The following SHANK2 variants were observed in gnomAD, a reference collection of about 807,000 sequenced individuals.
SHANK2 encodes SH3 and multiple ankyrin repeat domains protein 2.
A neutral mutation model predicts 133.7 loss-of-function variants in SHANK2; 43 were observed. That is an observed-to-expected ratio of 0.32 (90% CI 0.25 to 0.41). SHANK2 has a LOEUF of 0.41. SHANK2 is among the 10% of genes least tolerant of loss of function. SHANK2 has a pLI of 1.00. For missense variants in SHANK2, 1,994 were observed against 2,235.8 expected (o/e 0.89, Z 2.18); for synonymous variants, 1,017 against 952.8 (o/e 1.07, Z -1.24).
intron 2 of SHANK2, among the ~76,000 whole-genome samples, chr11:71,201,535 C>T (rs1460373924): frequency 1.3e-5 from 2 of 152,270 alleles, no homozygotes; most frequent in East Asian, 1.9e-4. Context: ...GTCACCTGCA[C>T]AGCAGGGGCT....
At chr11:71,167,547 C>A in intron 2 of SHANK2, among the ~76,000 whole-genome samples, 1 of 129,594 alleles carries the variant, frequency 7.7e-6, no homozygotes. Flanking sequence ...GGGGGCTGAC[C>A]CCCCCACCTC....
intron 10 of SHANK2, among the ~76,000 whole-genome samples, chr11:70,935,858 C>T (rs1392721461): frequency 6.6e-6 from 1 of 152,182 alleles, no homozygotes; most frequent in Non-Finnish European, 1.5e-5. Flanking sequence ...GTGAGCGGGC[C>T]TCTTACACCG....
intron 2 of SHANK2, among the ~76,000 whole-genome samples, chr11:71,204,657 G>A (rs1954092240): frequency 6.6e-6 from 1 of 152,172 alleles, no homozygotes; most frequent in Middle Eastern, 3.2e-3. Context: ...TCCCCTCGAG[G>A]TTTCAGCTGG....
chr11:71,075,923 C>T (rs1951212437), intron 8 of SHANK2, among the ~76,000 whole-genome samples: 1 of 152,176 alleles, frequency 6.6e-6, no homozygotes, highest in Non-Finnish European at 1.5e-5. Flanking sequence ...GTCAAACAGA[C>T]CCAGTCCTGA....
chr11:70,686,718 G>A (rs1308525317), intron 15 of SHANK2, among the ~76,000 whole-genome samples: 12 of 152,180 alleles, frequency 7.9e-5, no homozygotes, highest in Non-Finnish European at 2.9e-5. Context: ...AGGGAGGTCT[G>A]ATTGCTTCTC....
chr11:71,153,295 G>A (rs1457011404), intron 2 of SHANK2, among the ~76,000 whole-genome samples: 1 of 137,386 alleles, frequency 7.3e-6, no homozygotes, highest in Non-Finnish European at 1.6e-5. Context: ...GGGCGGGTCG[G>A]GGGCGGGGGA....
At chr11:71,152,791 C>T (rs1229739955) in intron 2 of SHANK2, among the ~76,000 whole-genome samples, 1 of 152,178 alleles carries the variant, frequency 6.6e-6, no homozygotes, top group Non-Finnish European at 1.5e-5. Flanking sequence ...GGCCAGAGAT[C>T]TGACTGGGAG....
intron 6 of SHANK2, among the ~76,000 whole-genome samples, chr11:71,101,682 ACCGTCAGTCACTG>A (rs1555096654): frequency 6.6e-6 from 1 of 152,206 alleles, no homozygotes; most frequent in African/African-American, 2.4e-5. Flanking sequence ...CGGAGCATGA[ACCGTCAGTCACTG>A]CACACATCAA....
chr11:70,650,455 G>C (rs1240730409), intron 17 of SHANK2, among the ~76,000 whole-genome samples: 1 of 152,180 alleles, frequency 6.6e-6, no homozygotes, highest in Admixed American at 6.5e-5. Flanking sequence ...ACCCTGCAGA[G>C]AGCCAGTGCC....
rs192633097 is a variant in SHANK2 at position 70,491,293 on chromosome 11, C to G, written c.2440-906G>C. On this transcript the variant is annotated intron_variant, in intron 22 of 25. Transcript: ENST00000601538. ...TTTGTCTCACTCTATGGCCCTGAGG[C>G]TGAGGAGCAAAGTGGGACCCTTTGG... 6.6e-5 allele frequency among the ~76,000 whole-genome samples: 10 copies of G among 152,312 alleles called. No homozygotes were observed. The East Asian group carries it at 1.9e-3, about 29-fold the overall frequency.
intron 15 of SHANK2, among the ~76,000 whole-genome samples, chr11:70,662,385 C>T (rs1270304780): frequency 1.3e-5 from 2 of 152,184 alleles, no homozygotes; most frequent in Non-Finnish European, 2.9e-5. Context: ...GGCGTCATCC[C>T]GCGCGAGCAT....
intron 10 of SHANK2, among the ~76,000 whole-genome samples, chr11:70,902,488 T>TGGGGGCTGCCTCTCA (rs1950037371): frequency 6.6e-6 from 1 of 152,226 alleles, no homozygotes; most frequent in African/African-American, 2.4e-5. Context: ...GCTGTGCCCT[T>TGGGGGCTGCCTCTCA]GGGGGCTGCC....
rs570428272 is a variant in SHANK2 at position 70,487,308 on chromosome 11, G to A, written c.2985C>T (p.Ile995=). 61 of 1,614,176 alleles carry A rather than the reference G, an allele frequency of 3.8e-5. 2 individuals carry two copies. In the South Asian group the frequency reaches 5.8e-4, roughly 15 times the overall value. Residue 995 remains isoleucine, a synonymous_variant, in exon 25 of 26, where the codon ATC becomes ATT. Coordinates refer to ENST00000601538, the MANE Select transcript of SHANK2 (RefSeq NM_012309.5). The surrounding 1 kb of genome is among the most constrained non-coding windows in gnomAD (Gnocchi z 5.8). ...PENPYSEVGK[I]ASKAVYVPAK... ...CGGGGACGTAGACGGCTTTGCTGGC[G>A]ATCTTCCCCACCTCTGAGTATGGGT... is the stretch of plus-strand genomic sequence containing the variant.
At chr11:71,066,100 GT>G (rs1951055635) in intron 9 of SHANK2, among the ~76,000 whole-genome samples, 5 of 67,160 alleles carry the variant, frequency 7.4e-5, no homozygotes, top group Non-Finnish European at 1.4e-4. Flanking sequence ...TGGGGGGGGT[GT>G]GTGCAGAACT....
chr11:71,251,628 A>G (rs1415760638), intron 1 of SHANK2, among the ~76,000 whole-genome samples: 1 of 151,272 alleles, frequency 6.6e-6, no homozygotes, highest in Non-Finnish European at 1.5e-5. Context: ...CGCCGGTGCC[A>G]GCTTCCTGCA....
Position 70,829,135 on chromosome 11 carries a change from C to T in SHANK2, c.1175-8453G>A, listed in dbSNP as rs148286061. Among the ~76,000 whole-genome samples the T allele has an allele frequency of 2.7e-3, 411 of 152,334 alleles. 1 individual carries two copies. Among genetic ancestry groups the T allele is most frequent in the African/African-American group, 9.7e-3 (403 of 41,582 alleles). ...TCCCTGGGACCATGTGACAATCCTG[C>T]ATCTGTTCTGACTGGTGGACCAGGC... On this transcript the variant is annotated intron_variant, in intron 11 of 25. Coordinates refer to ENST00000601538, the MANE Select transcript of SHANK2 (RefSeq NM_012309.5).
intron 21 of SHANK2, chr11:70,495,924 G>A (rs2058964059): frequency 1.3e-5 from 2 of 156,138 alleles, no homozygotes; most frequent in Middle Eastern, 1.1e-3. Flanking sequence ...ACCTGCACCT[G>A]TGGAGATGCA....
chr11:71,147,188 C>T lies in SHANK2; in HGVS notation c.139G>A (p.Ala47Thr), dbSNP rs1555106876. The change falls in exon 3 of 26, where the codon GCC becomes ACC. Residue 47 changes from alanine to threonine, a missense_variant. Physicochemically the swap from Ala to Thr is moderately conservative, Grantham distance 58 (BLOSUM62 0). This residue lies in a region of SHANK2 where 653 missense variants were observed against 563.4 expected (regional missense o/e 1.16). Transcript: ENST00000601538. The part of the protein sequence containing the change: ...IRATAEKPGG[A>T]RTEESQGNTL... ...TTGCCCTGGCTCTCCTCCGTCCTGGCACCGCCCGGCTTCTCCGCAGTGGCC... is the reference window on the plus strand; with the variant it reads ...TTGCCCTGGCTCTCCTCCGTCCTGGTACCGCCCGGCTTCTCCGCAGTGGCC... The T allele has an allele frequency of 6.4e-7, 1 of 1,550,722 alleles. No homozygotes were observed. The highest frequency in any genetic ancestry group is 2.4e-5 in the East Asian group (1 of 40,904).
At chr11:71,170,790 C>T (rs1953298469) in intron 2 of SHANK2, among the ~76,000 whole-genome samples, 1 of 152,206 alleles carries the variant, frequency 6.6e-6, no homozygotes, top group African/African-American at 2.4e-5. Flanking sequence ...GAGGAAGCAG[C>T]TATTTCTCCC....
Sources: allele counts gnomAD v4.1 joint callset (sites outside exome capture counted in the v4.1 genomes callset), GRCh38; gene constraint gnomAD v4.1.1; regional missense constraint gnomAD v4.1.1; non-coding constraint Gnocchi (gnomAD v3.1); transcripts MANE v1.5; gene names NCBI Gene and HGNC (gene_info 2026-07-23, HGNC 2026-07-21).